Variants in PTPRF observed in about 807,000 individuals in gnomAD.
PTPRF encodes receptor-type tyrosine-protein phosphatase F.
PTPRF carries 59 observed loss-of-function variants against 201.8 expected under a neutral mutation model. The ratio of observed to expected loss-of-function variants is 0.29; its 90% CI spans 0.24 to 0.36. PTPRF has a LOEUF of 0.36. PTPRF is among the 10% of genes least tolerant of loss of function. The probability of loss-of-function intolerance (pLI) is 1.00; values close to 1 mark genes in which losing one functional copy is unlikely to be tolerated. For missense variants in PTPRF, 2,132 were observed against 2,690.5 expected, an observed-to-expected ratio of 0.79 and a Z score of 4.59; for synonymous variants, 1,088 against 1,089.7, an observed-to-expected ratio of 1.00 and a Z score of 0.03.
chr1:43,553,570 C>T lies in PTPRF; in HGVS notation c.170C>T (p.Thr57Ile). 1 of 1,614,174 alleles carries T rather than the reference C, an allele frequency of 6.2e-7. No individual in the cohort carries two copies. The highest frequency in any genetic ancestry group is 8.5e-7 in the Non-Finnish European group (1 of 1,180,026). ...GGVASFVCQA[T>I]GEPKPRITWM... is the part of the protein sequence containing the mutation. Reference sequence around the variant, plus strand: ...GTAGCCTCCTTCGTGTGCCAAGCTACAGGAGAACCCAAGCCGCGCATCACA... The same window carrying T: ...GTAGCCTCCTTCGTGTGCCAAGCTATAGGAGAACCCAAGCCGCGCATCACA... Residue 57 changes from threonine (T) to isoleucine (I), a missense_variant, in exon 4 of 34, where the codon ACA becomes ATA. Thr to Ile is a moderately conservative substitution (Grantham distance 89, BLOSUM62 -1). Coordinates refer to ENST00000359947, the MANE Select transcript of PTPRF (RefSeq NM_002840.5). The surrounding 1 kb of genome is among the most constrained non-coding windows in gnomAD (Gnocchi z 4.1).
chr1:43,591,226 G>A lies in PTPRF; in HGVS notation c.1204G>A (p.Glu402Lys), dbSNP rs757666619. ...VNSIGRGPPS[E>K]AVRARTGEQA... The stretch of plus-strand genomic sequence containing the variant: ...CAGCATCGGGCGAGGGCCGCCCAGC[G>A]AGGCAGTGCGGGCACGCACGGGAGA... The change falls in exon 9 of 34, where the codon GAG becomes AAG. Residue 402 changes from glutamate to lysine, a missense_variant. Physicochemically the swap from Glu to Lys is moderately conservative, Grantham distance 56. Coordinates refer to ENST00000359947, the MANE Select transcript of PTPRF (RefSeq NM_002840.5). 2.2e-5 allele frequency: 35 copies of A among 1,601,154 alleles called. No homozygotes were observed. Among genetic ancestry groups the A allele is most frequent in the Non-Finnish European group, 2.9e-5 (34 of 1,174,204 alleles).
rs1644421081 is a variant in PTPRF at position 43,542,538 on chromosome 1, G to T, written c.-45-2493G>T. Among the ~76,000 whole-genome samples the T allele has an allele frequency of 6.6e-6, 1 of 152,096 alleles. No homozygotes were observed. ...AGGCCCAAGTTCTCCAACACCCATGGCCAGACTCTCATCCAGGCTTGTACC... is the reference window on the plus strand; with the variant it reads ...AGGCCCAAGTTCTCCAACACCCATGTCCAGACTCTCATCCAGGCTTGTACC... On this transcript the variant is annotated intron_variant, in intron 2 of 33. Coordinates refer to ENST00000359947, the MANE Select transcript of PTPRF (RefSeq NM_002840.5). The surrounding 1 kb of genome is among the most constrained non-coding windows in gnomAD (Gnocchi z 5.2).
chr1:43,588,653 T>G lies in PTPRF; in HGVS notation c.680-78T>G. 6.4e-7 allele frequency: 1 copy of G among 1,557,746 alleles called. No homozygotes were observed. ...TTTGGCTCTGACCAGAGGGGCTTCCTGAATGAGGGGCCCCTGCCCTTCCAT... is the reference window on the plus strand; with the variant it reads ...TTTGGCTCTGACCAGAGGGGCTTCCGGAATGAGGGGCCCCTGCCCTTCCAT... On this transcript the variant is annotated intron_variant, in intron 7 of 33. Coordinates refer to ENST00000359947, the MANE Select transcript of PTPRF (RefSeq NM_002840.5). The surrounding 1 kb of genome is among the most constrained non-coding windows in gnomAD (Gnocchi z 5.3).
intron 5 of PTPRF, 22 bp from the exon 6 acceptor site, chr1:43,569,568 A>G (rs1646430337): frequency 1.9e-6 from 3 of 1,583,180 alleles, no homozygotes; most frequent in East Asian, 2.2e-5. Context: ...GCCCTAATAC[A>G]CACATTGCTG....
intron 13 of PTPRF, 58 bp from the exon 14 acceptor site, chr1:43,602,013 C>G: frequency 6.3e-7 from 1 of 1,578,760 alleles, no homozygotes; most frequent in Non-Finnish European, 8.7e-7. Flanking sequence ...GCCAGGCCCT[C>G]TCCAGGTCAG....
At chr1:43,614,992 A>C (rs1657398878) in intron 23 of PTPRF, among the ~76,000 whole-genome samples, 1 of 152,160 alleles carries the variant, frequency 6.6e-6, no homozygotes, top group Non-Finnish European at 1.5e-5. Flanking sequence ...TTTCCTCAGC[A>C]CCTGGCACTG....
At chr1:43,612,780 C>G (rs1557855953) in intron 22 of PTPRF, 1 of 1,365,836 alleles carries the variant, frequency 7.3e-7, no homozygotes, top group Non-Finnish European at 9.8e-7. Context: ...TCCAGTGTCC[C>G]CAGTTGCCCG....
In PTPRF at chr1:43,553,375, G is replaced by A. The variant is rs1645152522; in HGVS notation, c.92-117G>A. 3 of 1,160,452 alleles carry A rather than the reference G, an allele frequency of 2.6e-6. No homozygotes were observed. Among genetic ancestry groups the A allele is most frequent in the Non-Finnish European group, 3.7e-6 (3 of 807,270 alleles). 71.9% of individuals were successfully genotyped at this position (1,160,452 alleles called of 1,614,324 possible). A position where few individuals can be genotyped will look rare whatever the true frequency, so the allele number is the denominator to read the frequency against. The stretch of plus-strand genomic sequence containing the variant: ...CACATACTAAGCGCTACATAAAGGT[G>A]AGGTGTCCTTGTTTTCTTTGTAGGT... On this transcript the variant is annotated intron_variant, in intron 3 of 33. Coordinates refer to ENST00000359947, the MANE Select transcript of PTPRF (RefSeq NM_002840.5). The surrounding 1 kb of genome is among the most constrained non-coding windows in gnomAD (Gnocchi z 4.1).
At position 43,592,530 on chromosome 1, in the gene PTPRF, A is replaced by G. The variant is rs764618194; in HGVS notation, c.1742A>G (p.Gln581Arg). Residue 581 changes from glutamine to arginine, a missense_variant, in exon 11 of 34, where the codon CAG (glutamine) becomes CGG (arginine). Around this residue, in one of 6 missense-constraint regions of PTPRF, gnomAD observed 351 missense variants for 401.7 expected, o/e 0.87. Coordinates refer to ENST00000359947, the MANE Select transcript of PTPRF (RefSeq NM_002840.5). ...AAGCCTGACACACTCTACCGCTTCC[A>G]GCTGGCTGCACGCTCGGATATGGGG... The part of the protein sequence containing the change: ...DLKPDTLYRF[Q>R]LAARSDMGVG... 5 of 1,612,522 alleles carry G rather than the reference A, an allele frequency of 3.1e-6. No individual in the cohort carries two copies. The highest frequency in any genetic ancestry group is 1.7e-5 in the Admixed American group (1 of 59,884).
At chr1:43,568,143 A>G (rs1029707515) in intron 5 of PTPRF, among the ~76,000 whole-genome samples, 5 of 151,998 alleles carry the variant, frequency 3.3e-5, no homozygotes, top group African/African-American at 1.2e-4. Context: ...TAAAAATACA[A>G]AATTTGCCGG....
chr1:43,591,007 G>C lies in PTPRF; in HGVS notation c.985G>C (p.Glu329Gln), dbSNP rs1288701467. ...GCCTCCGATTGATCTTGTGGTGACA[G>C]AGACAACTGCCACCAGTGTCACCCT... is the stretch of plus-strand genomic sequence containing the variant. ...PKPPIDLVVTETTATSVTLTW... is the reference protein window; with the variant it reads ...PKPPIDLVVTQTTATSVTLTW... The change falls in exon 9 of 34, where the codon GAG becomes CAG. Residue 329 changes from glutamate (E) to glutamine (Q), a missense_variant. Around this residue, in one of 6 missense-constraint regions of PTPRF, gnomAD observed 297 missense variants for 454.0 expected, o/e 0.65. Transcript: ENST00000359947. 1 of 1,613,284 alleles carries C rather than the reference G, an allele frequency of 6.2e-7. No individual in the cohort carries two copies. Among genetic ancestry groups the C allele is most frequent in the African/African-American group, 1.3e-5 (1 of 74,938 alleles).
chr1:43,564,332 G>A (rs1041878066), intron 5 of PTPRF, among the ~76,000 whole-genome samples: 20 of 152,250 alleles, frequency 1.3e-4, no homozygotes, highest in African/African-American at 4.3e-4. Flanking sequence ...TCTGTGGAGC[G>A]GCTGAAGGGC....
chr1:43,605,736 T>A (rs909389537), intron 19 of PTPRF, 114 bp downstream of exon 19: 18 of 1,055,596 alleles, frequency 1.7e-5, no homozygotes, highest in Middle Eastern at 3.0e-4. Context: ...AATTGAAATC[T>A]CTCTTCTGGC....
At chr1:43,564,512 G>T in intron 5 of PTPRF, among the ~76,000 whole-genome samples, 1 of 152,214 alleles carries the variant, frequency 6.6e-6, no homozygotes, top group East Asian at 1.9e-4. Context: ...GCATGCGCCT[G>T]TTTCCACAGG....
At chr1:43,552,145 G>A (rs9887909) in intron 3 of PTPRF, among the ~76,000 whole-genome samples, 57,273 of 151,484 alleles carry the variant, frequency 0.38, 11,011 homozygotes, top group East Asian at 0.44. Flanking sequence ...CTCCCTTCCC[G>A]CCTCATCCTT....
chr1:43,606,485 G>A lies in PTPRF; in HGVS notation c.3702+27G>A, dbSNP rs537836953. On this transcript the variant is annotated intron_variant, in intron 20 of 33. Transcript: ENST00000359947. ...TCTGCCTGAGCCGGCTTGGCTGTCA[G>A]CACCCTGATTCCCTGGGCCTGGCCT... 73 of 1,590,088 alleles carry A rather than the reference G, an allele frequency of 4.6e-5. No homozygotes were observed. The South Asian group carries it at 8.0e-4, about 18-fold the overall frequency.
intron 2 of PTPRF, 56 bp downstream of exon 2, chr1:43,538,333 C>G (rs1423647665): frequency 1.0e-5 from 4 of 398,522 alleles, no homozygotes; most frequent in Non-Finnish European, 1.8e-5. Flanking sequence ...TCCTATGGAC[C>G]AGGCTGAGCA....
rs60948351 is a variant in PTPRF at position 43,561,361 on chromosome 1, G to A, written c.379+7420G>A. Among the ~76,000 whole-genome samples the A allele has an allele frequency of 4.8e-3, 729 of 152,296 alleles. 2 individuals are homozygous for A. The highest frequency in any genetic ancestry group is 0.017 in the African/African-American group (693 of 41,556). ...CCTGTATATTCCTTCCACCCATGGT[G>A]GAATGACTTGGCCCAGGCCTGACTT... On this transcript the variant is annotated intron_variant, in intron 5 of 33. Coordinates refer to ENST00000359947, the MANE Select transcript of PTPRF (RefSeq NM_002840.5).
intron 7 of PTPRF, among the ~76,000 whole-genome samples, chr1:43,584,627 A>C (rs1038889134): frequency 6.6e-6 from 1 of 152,132 alleles, no homozygotes; most frequent in African/African-American, 2.4e-5. Context: ...TGAGTTTCTA[A>C]ATATTCCAGG....
Sources: gnomAD v4.1 joint callset for allele counts (sites outside exome capture counted in the v4.1 genomes callset) on GRCh38, gnomAD v4.1.1 for gene constraint, gnomAD v4.1.1 regional missense constraint, Gnocchi (gnomAD v3.1) non-coding constraint, MANE v1.5 for transcripts, NCBI Gene and HGNC (gene_info 2026-07-23, HGNC 2026-07-21) for gene names.